LRRC4C: variants seen among roughly 807,000 people sequenced by gnomAD.
LRRC4C encodes leucine rich repeat containing 4C, also known as leucine-rich repeat-containing protein 4C.
A neutral mutation model predicts 33.6 loss-of-function variants in LRRC4C; 5 were observed. The observed-to-expected ratio is 0.15, with a 90% confidence interval of 0.08 to 0.31. The LOEUF is 0.31. LRRC4C is among the 10% of genes least tolerant of loss of function. The pLI is 1.00. For missense variants in LRRC4C, 560 were observed against 796.7 expected (o/e 0.70, Z 3.58); for synonymous variants, 329 against 302.0 (o/e 1.09, Z -0.93).
At chr11:40,912,704 C>G (rs942056815) in intron 2 of LRRC4C, among the ~76,000 whole-genome samples, 7 of 145,864 alleles carry the variant, frequency 4.8e-5, no homozygotes, top group African/African-American at 1.8e-4. Flanking sequence ...CAATATTAAC[C>G]TTAAATGTAA....
intron 2 of LRRC4C, among the ~76,000 whole-genome samples, chr11:40,915,886 G>A (rs1344208023): frequency 6.6e-6 from 1 of 152,122 alleles, no homozygotes; most frequent in Non-Finnish European, 1.5e-5. Flanking sequence ...AGTGGGTGAA[G>A]GATATGAACA....
chr11:40,356,538 G>T (rs1704287071), intron 3 of LRRC4C, among the ~76,000 whole-genome samples: 1 of 152,146 alleles, frequency 6.6e-6, no homozygotes, highest in African/African-American at 2.4e-5. Context: ...TAAGCAGTCT[G>T]CCACTCCTTA....
chr11:40,246,380 T>C (rs1866341717), intron 4 of LRRC4C, among the ~76,000 whole-genome samples: 1 of 152,206 alleles, frequency 6.6e-6, no homozygotes, highest in South Asian at 2.1e-4. Context: ...TATTTTGTTT[T>C]TGGTTCACTC....
At chr11:41,347,783 C>T (rs1258542784) in intron 1 of LRRC4C, among the ~76,000 whole-genome samples, 1 of 152,138 alleles carries the variant, frequency 6.6e-6, no homozygotes, top group African/African-American at 2.4e-5. Context: ...ATTTCAGAGA[C>T]AGTCTCTCAG....
chr11:40,592,781 G>A (rs1038169230), intron 3 of LRRC4C, among the ~76,000 whole-genome samples: 1 of 152,136 alleles, frequency 6.6e-6, no homozygotes, highest in Non-Finnish European at 1.5e-5. Context: ...CTGTGATCTA[G>A]TGAAAGGTAA....
At chr11:41,066,282 A>G (rs1398874532) in intron 1 of LRRC4C, among the ~76,000 whole-genome samples, 1 of 152,240 alleles carries the variant, frequency 6.6e-6, no homozygotes, top group Non-Finnish European at 1.5e-5. Context: ...ACAAGTATCA[A>G]TAGCCGAATT....
At chr11:40,438,869 T>C (rs1951257086) in intron 3 of LRRC4C, among the ~76,000 whole-genome samples, 1 of 151,772 alleles carries the variant, frequency 6.6e-6, no homozygotes, top group Non-Finnish European at 1.5e-5. Flanking sequence ...GGAAATAAAA[T>C]TGGGATCAAA....
chr11:40,313,509 T>C (rs978453729), intron 4 of LRRC4C, among the ~76,000 whole-genome samples: 1 of 149,402 alleles, frequency 6.7e-6, no homozygotes, highest in South Asian at 2.1e-4. Context: ...GTTTTAAATA[T>C]ACAAAAATCT....
At chr11:40,239,137 C>G (rs1355602123) in intron 5 of LRRC4C, among the ~76,000 whole-genome samples, 3 of 152,156 alleles carry the variant, frequency 2.0e-5, no homozygotes, top group Admixed American at 2.0e-4. Flanking sequence ...GTTCTAAATC[C>G]TTACTCAAAG....
intron 3 of LRRC4C, among the ~76,000 whole-genome samples, chr11:40,522,337 G>C (rs2135238615): frequency 6.6e-6 from 1 of 152,258 alleles, no homozygotes; most frequent in Non-Finnish European, 1.5e-5. Context: ...GCCAGAAGAT[G>C]AAAAAGTTCT....
At chr11:40,688,658 A>G (rs1463223070) in intron 2 of LRRC4C, among the ~76,000 whole-genome samples, 1 of 152,052 alleles carries the variant, frequency 6.6e-6, no homozygotes, top group Non-Finnish European at 1.5e-5. Context: ...CGTCAGTGGA[A>G]AGGTCAGAGG....
intron 1 of LRRC4C, among the ~76,000 whole-genome samples, chr11:41,361,073 G>T (rs1952339101): frequency 6.6e-6 from 1 of 152,178 alleles, no homozygotes; most frequent in South Asian, 2.1e-4. Flanking sequence ...TTACCAGGCA[G>T]TTTTCCAGAA....
At chr11:40,470,646 T>C (rs569231126) in intron 3 of LRRC4C, among the ~76,000 whole-genome samples, 6 of 152,048 alleles carry the variant, frequency 3.9e-5, no homozygotes, top group Non-Finnish European at 2.9e-5. Context: ...TGATATAAGG[T>C]TACAGGAACT....
intron 1 of LRRC4C, among the ~76,000 whole-genome samples, chr11:41,365,229 G>T (rs1288216798): frequency 6.6e-6 from 1 of 151,986 alleles, no homozygotes; most frequent in Non-Finnish European, 1.5e-5. Context: ...TGTAAACTGT[G>T]CATGCAAGGG....
At chr11:41,208,885 A>G in intron 1 of LRRC4C, among the ~76,000 whole-genome samples, 1 of 152,138 alleles carries the variant, frequency 6.6e-6, no homozygotes, top group East Asian at 1.9e-4. Context: ...TCCTGGGGGT[A>G]GGGCACCCCA....
At chr11:40,175,615 C>T (rs1184331169) in intron 5 of LRRC4C, among the ~76,000 whole-genome samples, 1 of 152,144 alleles carries the variant, frequency 6.6e-6, no homozygotes, top group Non-Finnish European at 1.5e-5. Context: ...AGATTTTGAG[C>T]CTTTAATGTA....
chr11:41,357,812 C>T (rs1008267165), intron 1 of LRRC4C, among the ~76,000 whole-genome samples: 2 of 152,072 alleles, frequency 1.3e-5, no homozygotes, highest in African/African-American at 4.8e-5. Context: ...GAAGACTCAA[C>T]AGTATCAAGA....
intron 2 of LRRC4C, among the ~76,000 whole-genome samples, chr11:40,763,886 A>C (rs775205086): frequency 2.6e-5 from 4 of 152,196 alleles, no homozygotes; most frequent in Admixed American, 2.6e-4. Context: ...AGTCTATGCC[A>C]CAGGGCTGCA....
chr11:40,599,734 G>A (rs953874489), intron 3 of LRRC4C, among the ~76,000 whole-genome samples: 11 of 152,172 alleles, frequency 7.2e-5, no homozygotes, highest in African/African-American at 2.7e-4. Flanking sequence ...ATAAATGAAT[G>A]AAGGAATATG....
Sources: allele counts gnomAD v4.1 joint callset (sites outside exome capture counted in the v4.1 genomes callset), GRCh38; gene constraint gnomAD v4.1.1; transcripts MANE v1.5; gene names NCBI Gene and HGNC (gene_info 2026-07-23, HGNC 2026-07-21).